The following OPCML variants were observed in gnomAD, a reference collection of about 807,000 sequenced individuals.
OPCML encodes the protein opioid binding protein/cell adhesion molecule like.
In OPCML, 13 loss-of-function variants were observed where a neutral mutation model predicts 37.8. The ratio of observed to expected loss-of-function variants is 0.34; its 90% CI spans 0.22 to 0.55. OPCML has a LOEUF of 0.55. OPCML is among the 20% of genes least tolerant of loss of function. The pLI is 0.91. For synonymous variants in OPCML, 176 were observed against 168.8 expected (o/e 1.04, Z -0.33); for missense variants, 341 against 435.6 (o/e 0.78, Z 1.93).
intron 2 of OPCML, among the ~76,000 whole-genome samples, chr11:132,751,714 C>A (rs1297177216): frequency 6.6e-6 from 1 of 152,160 alleles, no homozygotes; most frequent in African/African-American, 2.4e-5. Context: ...GGAATTTAAC[C>A]AAGTTCCGTC....
intron 3 of OPCML, among the ~76,000 whole-genome samples, chr11:132,530,666 A>C (rs1197081703): frequency 6.6e-6 from 1 of 151,650 alleles, no homozygotes. Context: ...AACACAGCAC[A>C]TGGCACACAC....
At chr11:133,121,779 A>G (rs1037254777) in intron 1 of OPCML, among the ~76,000 whole-genome samples, 2 of 152,210 alleles carry the variant, frequency 1.3e-5, no homozygotes, top group African/African-American at 4.8e-5. Context: ...TTTCCAGATG[A>G]ATACCATTTC....
intron 1 of OPCML, among the ~76,000 whole-genome samples, chr11:132,960,590 C>T (rs1261988512): frequency 2.6e-5 from 4 of 152,308 alleles, no homozygotes; most frequent in South Asian, 2.1e-4. Flanking sequence ...ATCTCCCTCC[C>T]CCTCTCCATC....
At chr11:132,577,738 G>A (rs1176950601) in intron 3 of OPCML, among the ~76,000 whole-genome samples, 1 of 152,120 alleles carries the variant, frequency 6.6e-6, no homozygotes, top group Non-Finnish European at 1.5e-5. Context: ...TTTTCAGACT[G>A]TAATTAATAA....
At chr11:133,427,301 G>A (rs1946021968) in intron 1 of OPCML, among the ~76,000 whole-genome samples, 1 of 150,736 alleles carries the variant, frequency 6.6e-6, no homozygotes. Context: ...AATAAGAACA[G>A]TAATTTAAAC....
chr11:133,166,377 G>C (rs1264904487), intron 1 of OPCML, among the ~76,000 whole-genome samples: 1 of 152,212 alleles, frequency 6.6e-6, no homozygotes, highest in Non-Finnish European at 1.5e-5. Flanking sequence ...CTAAATGACG[G>C]AACTGTGACA....
intron 3 of OPCML, among the ~76,000 whole-genome samples, chr11:132,605,381 C>G (rs1455986701): frequency 6.6e-6 from 1 of 151,170 alleles, no homozygotes; most frequent in East Asian, 1.9e-4. Context: ...CATGGTGAAA[C>G]CTCATCTCTA....
At chr11:133,380,606 G>A (rs1030622271) in intron 1 of OPCML, among the ~76,000 whole-genome samples, 2 of 151,892 alleles carry the variant, frequency 1.3e-5, no homozygotes, top group Admixed American at 1.3e-4. Flanking sequence ...TTTTTTAATT[G>A]ATATCTTAGC....
At chr11:133,471,165 A>C (rs1947103874) in intron 1 of OPCML, among the ~76,000 whole-genome samples, 1 of 152,224 alleles carries the variant, frequency 6.6e-6, no homozygotes, top group Admixed American at 6.5e-5. Context: ...AACAGTCTAC[A>C]GCTCAGCATT....
At chr11:133,444,690 C>A (rs1365387436) in intron 1 of OPCML, among the ~76,000 whole-genome samples, 1 of 152,184 alleles carries the variant, frequency 6.6e-6, no homozygotes, top group Admixed American at 6.5e-5. Context: ...AATTGCATCC[C>A]TAGAGAAATA....
At chr11:132,684,340 C>T (rs185040390) in intron 2 of OPCML, among the ~76,000 whole-genome samples, 20 of 152,220 alleles carry the variant, frequency 1.3e-4, no homozygotes, top group African/African-American at 4.8e-4. Flanking sequence ...AATTGAGCCT[C>T]AGAAAGGTCG....
Position 132,488,860 on chromosome 11 carries a change from T to C in OPCML, c.505+40201A>G, listed in dbSNP as rs1406988908. Among the ~76,000 whole-genome samples the C allele has an allele frequency of 2.6e-5, 4 of 152,208 alleles. No individual in the cohort carries two copies. The East Asian group carries it at 7.7e-4, about 29-fold the overall frequency. ...CCATCTTAATGAAACCTGTATCCTT[T>C]CCATACTGATAGAAACACCAGTGGC... On this transcript the variant is annotated intron_variant, in intron 4 of 7. Transcript: ENST00000524381.
At chr11:133,390,277 C>G (rs1036239322) in intron 1 of OPCML, among the ~76,000 whole-genome samples, 1 of 151,892 alleles carries the variant, frequency 6.6e-6, no homozygotes, top group Admixed American at 6.6e-5. Context: ...GGCTAATACG[C>G]TGAAACCCCG....
At position 133,206,815 on chromosome 11, in the gene OPCML, C is replaced by T. The variant is rs1028819363; in HGVS notation, c.62-263805G>A. Reference sequence around the variant, plus strand: ...TTTGTGAATGGATGCAGCACCCACGCTTACCCTCCACACTCTCACGATGTC... The same window carrying T: ...TTTGTGAATGGATGCAGCACCCACGTTTACCCTCCACACTCTCACGATGTC... On this transcript the variant is annotated intron_variant, in intron 1 of 7. Coordinates refer to ENST00000524381, the MANE Select transcript of OPCML (RefSeq NM_001012393.5). This position sits in a 1 kb window ranked among gnomAD's most constrained non-coding sequence, Gnocchi z 4.7. Among the ~76,000 whole-genome samples the T allele has an allele frequency of 6.6e-6, 1 of 152,180 alleles. No homozygotes were observed. The highest frequency in any genetic ancestry group is 1.5e-5 in the Non-Finnish European group (1 of 68,046).
chr11:132,753,640 G>A (rs1008491044), intron 2 of OPCML, among the ~76,000 whole-genome samples: 1 of 152,186 alleles, frequency 6.6e-6, no homozygotes, highest in African/African-American at 2.4e-5. Flanking sequence ...CTGTCAATCT[G>A]CATAGTGCAG....
rs553678183 is a variant in OPCML, at chr11:132,585,800, G to A, written c.380-56614C>T. ...AATAAAACTTACCATCTCTTGCCCA[G>A]TTTCTGGATCTTAAATAGTTTTAAG... is the stretch of plus-strand genomic sequence containing the variant. On this transcript the variant is annotated intron_variant, in intron 3 of 7. Transcript: ENST00000524381. Among the ~76,000 whole-genome samples, 141 of 152,312 alleles carry A rather than the reference G, an allele frequency of 9.3e-4. 3 individuals carry two copies. The South Asian group carries it at 0.028, about 31-fold the overall frequency.
chr11:132,656,695 T>C (rs1941724091), intron 3 of OPCML, among the ~76,000 whole-genome samples: 1 of 152,212 alleles, frequency 6.6e-6, no homozygotes. Flanking sequence ...ACGTAGTTTC[T>C]CATTGGCATT....
At chr11:133,058,721 T>A (rs543618863) in intron 1 of OPCML, among the ~76,000 whole-genome samples, 22 of 152,332 alleles carry the variant, frequency 1.4e-4, no homozygotes, top group African/African-American at 4.6e-4. Flanking sequence ...CACCTCCCAG[T>A]AGAGGCCAGT....
At chr11:132,921,810 G>A (rs1944814451) in intron 2 of OPCML, among the ~76,000 whole-genome samples, 1 of 152,202 alleles carries the variant, frequency 6.6e-6, no homozygotes, top group Non-Finnish European at 1.5e-5. Flanking sequence ...CACTTTAGCT[G>A]ATGGAAACCA....
Sources: allele counts gnomAD v4.1 joint callset (sites outside exome capture counted in the v4.1 genomes callset), GRCh38; gene constraint gnomAD v4.1.1; non-coding constraint Gnocchi (gnomAD v3.1); transcripts MANE v1.5; gene names NCBI Gene and HGNC (gene_info 2026-07-23, HGNC 2026-07-21).